TMEM132D: variants seen among roughly 807,000 people sequenced by gnomAD.
The protein encoded by TMEM132D is mature OL transmembrane protein.
A neutral mutation model predicts 62.3 loss-of-function variants in TMEM132D; 21 were observed. The ratio of observed to expected loss-of-function variants is 0.34; its 90% CI spans 0.24 to 0.49. The LOEUF (loss-of-function observed/expected upper bound fraction) is 0.49. Among genes scored for constraint, TMEM132D ranks in the 20% least tolerant of loss-of-function variants. The pLI, the probability that TMEM132D is intolerant of heterozygous loss-of-function variation, is 0.99. For synonymous variants in TMEM132D, 621 were observed against 575.6 expected, an observed-to-expected ratio of 1.08 and a Z score of -1.13; for missense variants, 1,346 against 1,402.8, an observed-to-expected ratio of 0.96 and a Z score of 0.65.
intron 7 of TMEM132D, 46 bp downstream of exon 7, chr12:129,081,713 G>A (rs2135615523): frequency 1.3e-6 from 2 of 1,535,530 alleles, no homozygotes; most frequent in Non-Finnish European, 1.7e-6. Flanking sequence ...GCAGAGGTGG[G>A]AAGACAGAGA....
At chr12:129,872,671 A>T (rs1874287290) in intron 1 of TMEM132D, among the ~76,000 whole-genome samples, 1 of 152,216 alleles carries the variant, frequency 6.6e-6, no homozygotes, top group African/African-American at 2.4e-5. Flanking sequence ...TTGGAGCGAA[A>T]GTCAGTAAGC....
intron 3 of TMEM132D, among the ~76,000 whole-genome samples, chr12:129,507,768 C>T (rs989191691): frequency 1.3e-5 from 2 of 152,016 alleles, no homozygotes; most frequent in African/African-American, 2.4e-5. Context: ...GTATACTGCT[C>T]GGTTGATGGG....
At chr12:129,641,620 T>C (rs1879642524) in intron 2 of TMEM132D, among the ~76,000 whole-genome samples, 1 of 152,170 alleles carries the variant, frequency 6.6e-6, no homozygotes, top group Non-Finnish European at 1.5e-5. Flanking sequence ...CCGAATCTCA[T>C]GTTGGCCTAA....
intron 1 of TMEM132D, among the ~76,000 whole-genome samples, chr12:129,738,566 G>A (rs1869501008): frequency 6.6e-6 from 1 of 152,140 alleles, no homozygotes; most frequent in African/African-American, 2.4e-5. Context: ...ACATTCATGT[G>A]GCAAGACACA....
At chr12:129,423,755 C>T (rs1872397656) in intron 3 of TMEM132D, among the ~76,000 whole-genome samples, 1 of 152,068 alleles carries the variant, frequency 6.6e-6, no homozygotes. Context: ...TATGGTAATA[C>T]CCATTGACTC....
intron 8 of TMEM132D, 62 bp from the exon 9 acceptor site, chr12:129,075,121 TAGTAC>T: frequency 7.2e-7 from 1 of 1,393,778 alleles, no homozygotes; most frequent in Non-Finnish European, 9.8e-7. Context: ...CCCCAAGTCT[TAGTAC>T]AGTAGACACA....
At chr12:129,270,913 TTGAG>T (rs1205928743) in intron 4 of TMEM132D, among the ~76,000 whole-genome samples, 1 of 152,234 alleles carries the variant, frequency 6.6e-6, no homozygotes, top group African/African-American at 2.4e-5. Flanking sequence ...ATGGTTGTTG[TTGAG>T]TATCTTGCAA....
chr12:129,409,917 T>A (rs545794822), intron 3 of TMEM132D, among the ~76,000 whole-genome samples: 22 of 152,332 alleles, frequency 1.4e-4, no homozygotes, highest in Non-Finnish European at 2.8e-4. Context: ...TGATGGGGAC[T>A]ATGAGTTAAC....
chr12:129,342,777 A>G (rs1453325917), intron 3 of TMEM132D, among the ~76,000 whole-genome samples: 2 of 152,244 alleles, frequency 1.3e-5, no homozygotes, highest in Admixed American at 1.3e-4. Context: ...ATATGAACAG[A>G]CACTTCTCAA....
chr12:129,854,085 C>T (rs947701592), intron 1 of TMEM132D, among the ~76,000 whole-genome samples: 2 of 152,146 alleles, frequency 1.3e-5, no homozygotes, highest in African/African-American at 4.8e-5. Flanking sequence ...TGGCAGTCCT[C>T]GTCACTTTCA....
intron 2 of TMEM132D, among the ~76,000 whole-genome samples, chr12:129,570,586 T>C (rs1037784963): frequency 2.0e-5 from 3 of 152,222 alleles, no homozygotes; most frequent in Admixed American, 1.3e-4. Context: ...CTAGGGCAAA[T>C]GTAACTGCCA....
intron 1 of TMEM132D, among the ~76,000 whole-genome samples, chr12:129,720,361 T>C (rs1445218545): frequency 1.3e-5 from 2 of 152,208 alleles, no homozygotes; most frequent in Non-Finnish European, 2.9e-5. Flanking sequence ...ACATTTGCAC[T>C]CACTCACTTA....
At chr12:129,186,129 G>A (rs996557537) in intron 5 of TMEM132D, among the ~76,000 whole-genome samples, 1 of 152,130 alleles carries the variant, frequency 6.6e-6, no homozygotes, top group African/African-American at 2.4e-5. Flanking sequence ...CCGCTGCGGG[G>A]AGTCCACCCA....
chr12:129,199,906 G>C (rs1293952412), intron 5 of TMEM132D, among the ~76,000 whole-genome samples: 1 of 152,138 alleles, frequency 6.6e-6, no homozygotes, highest in Non-Finnish European at 1.5e-5. Context: ...GATAAGATTT[G>C]GGTGGGGACA....
chr12:129,407,396 C>T (rs556516416), intron 3 of TMEM132D, among the ~76,000 whole-genome samples: 2 of 152,210 alleles, frequency 1.3e-5, no homozygotes, highest in African/African-American at 2.4e-5. Context: ...ATCCTCTCTC[C>T]GTCTCTGGGA....
At chr12:129,691,967 C>G (rs1462299830) in intron 2 of TMEM132D, among the ~76,000 whole-genome samples, 1 of 151,810 alleles carries the variant, frequency 6.6e-6, no homozygotes, top group Non-Finnish European at 1.5e-5. Context: ...ATTATTAACT[C>G]CCCCAAAAAT....
chr12:129,783,267 G>C (rs12316425), intron 1 of TMEM132D, among the ~76,000 whole-genome samples: 15,490 of 152,206 alleles, frequency 0.1, 880 homozygotes, highest in East Asian at 0.24. Context: ...GAATGTGCAG[G>C]TAAGTTAACA....
intron 1 of TMEM132D, among the ~76,000 whole-genome samples, chr12:129,754,104 G>A (rs1283038279): frequency 6.6e-6 from 1 of 152,066 alleles, no homozygotes; most frequent in Non-Finnish European, 1.5e-5. Context: ...TCTCTGGTTT[G>A]AAGAAGAAGA....
chr12:129,285,675 G>GT (rs1881276966), intron 4 of TMEM132D, among the ~76,000 whole-genome samples: 1 of 152,030 alleles, frequency 6.6e-6, no homozygotes, highest in Non-Finnish European at 1.5e-5. Context: ...TTTCATCATT[G>GT]TTTTTTCAAA....
Sources: allele counts gnomAD v4.1 joint callset (sites outside exome capture counted in the v4.1 genomes callset), GRCh38; gene constraint gnomAD v4.1.1; transcripts MANE v1.5; gene names NCBI Gene and HGNC (gene_info 2026-07-23, HGNC 2026-07-21).